Variants in VPS13D observed in about 807,000 individuals in gnomAD.
The protein encoded by VPS13D is intermembrane lipid transfer protein VPS13D.
In VPS13D, 187 loss-of-function variants were observed where a neutral mutation model predicts 461.9. That is an observed-to-expected ratio of 0.40 (90% confidence interval 0.36 to 0.46). The LOEUF (loss-of-function observed/expected upper bound fraction) is 0.46, where lower values mean the gene tolerates loss of function less well. VPS13D is among the 20% of genes least tolerant of loss of function. VPS13D has a pLI of 0.60. For synonymous variants in VPS13D, 1,951 were observed against 1,986.3 expected (o/e 0.98, Z 0.47); for missense variants, 4,711 against 5,364.9 (o/e 0.88, Z 3.81).
chr1:12,373,849 A>G lies in VPS13D; in HGVS notation c.10908A>G (p.Leu3636=). The change falls in exon 55 of 70, where the codon TTA becomes TTG. Residue 3636 remains leucine, a synonymous_variant. Transcript: ENST00000620676. The stretch of plus-strand genomic sequence containing the variant: ...CACCCAAGACACAAAGAGTCATTTT[A>G]AAAAAGAAGGTAAGAGAGCTTACAA... ...DVSPKTQRVI[L]KKKEPGKRSQ... 1 of 1,604,006 alleles carries G rather than the reference A, an allele frequency of 6.2e-7. No individual in the cohort carries two copies. Among genetic ancestry groups the G allele is most frequent in the Non-Finnish European group, 8.5e-7 (1 of 1,174,856 alleles).
At chr1:12,475,013 G>T (rs1645612003) in intron 67 of VPS13D, among the ~76,000 whole-genome samples, 1 of 152,074 alleles carries the variant, frequency 6.6e-6, no homozygotes, top group Admixed American at 6.5e-5. Context: ...AAAGGCAGTG[G>T]TGGAGCTGAC....
At chr1:12,464,785 C>A (rs115363404) in intron 67 of VPS13D, among the ~76,000 whole-genome samples, 3 of 152,166 alleles carry the variant, frequency 2.0e-5, no homozygotes, top group Non-Finnish European at 4.4e-5. Context: ...CCAATATCCC[C>A]CACTGCATTT....
At chr1:12,343,950 A>T (rs1643623150) in intron 42 of VPS13D, among the ~76,000 whole-genome samples, 1 of 152,198 alleles carries the variant, frequency 6.6e-6, no homozygotes, top group African/African-American at 2.4e-5. Context: ...TAGTTTCAGG[A>T]CTCAAAGCTA....
chr1:12,412,363 A>G (rs1644740399), intron 63 of VPS13D, among the ~76,000 whole-genome samples: 1 of 152,224 alleles, frequency 6.6e-6, no homozygotes, highest in Admixed American at 6.5e-5. Flanking sequence ...AACCCTGGAG[A>G]AAAAGTACAA....
In VPS13D at chr1:12,358,547, C is replaced by T. The variant is rs1023567307; in HGVS notation, c.10087C>T (p.Arg3363Ter). 4.3e-6 allele frequency: 7 copies of T among 1,613,962 alleles called. No individual in the cohort carries two copies. The highest frequency in any genetic ancestry group is 1.1e-5 in the South Asian group (1 of 91,080). The change falls in exon 50 of 70, where the codon CGA becomes TGA. Residue 3363 changes from arginine (R) to a stop codon, truncating the protein, a stop_gained. Transcript: ENST00000620676. LOFTEE classifies it high-confidence loss of function. ...CTCCCTGGATGGTGGTAGTGGTGTCCGAGCTTTGAAAGTCATCCAGCAAGG... is the reference window on the plus strand; with the variant it reads ...CTCCCTGGATGGTGGTAGTGGTGTCTGAGCTTTGAAAGTCATCCAGCAAGG... ...GFSLDGGSGV[R>*]ALKVIQQGNR...
chr1:12,307,856 G>A (rs373184842), intron 26 of VPS13D, among the ~76,000 whole-genome samples: 1 of 152,132 alleles, frequency 6.6e-6, no homozygotes, highest in Admixed American at 6.6e-5. Flanking sequence ...GTTATGGACT[G>A]TTTATTTTTT....
chr1:12,293,838 A>ACG, intron 24 of VPS13D, 134 bp downstream of exon 24: 1 of 894,006 alleles, frequency 1.1e-6, no homozygotes, highest in Non-Finnish European at 1.6e-6. Context: ...GATTAGCTAC[A>ACG]GACATCTTTG....
rs1643287017 is a variant in VPS13D at position 12,329,926 on chromosome 1, T to G, written c.8287+8T>G. The G allele has an allele frequency of 6.4e-7, 1 of 1,560,084 alleles. No homozygotes were observed. On this transcript the variant is annotated splice_region_variant and intron_variant, in intron 37 of 69. Transcript: ENST00000620676. ...ATAACCGTGCTCTTTCAGGTCAGTA[T>G]AAAGCATATGTTATCATGGGATTTA...
Position 12,348,814 on chromosome 1 carries a change from C to G in VPS13D, c.9070-9C>G. On this transcript the variant is annotated splice_polypyrimidine_tract_variant and intron_variant, in intron 44 of 69. Coordinates refer to ENST00000620676, the MANE Select transcript of VPS13D (RefSeq NM_015378.4). ...ACATAACTATTTTGTCTTTATCGCT[C>G]TTTCACAGTTCTCTTCACTCCCACC... 6.2e-7 allele frequency: 1 copy of G among 1,613,136 alleles called. No individual in the cohort carries two copies. Among genetic ancestry groups the G allele is most frequent in the Non-Finnish European group, 8.5e-7 (1 of 1,179,390 alleles).
chr1:12,352,965 CAAAAAAAAAAA>C (rs61588046), intron 46 of VPS13D, among the ~76,000 whole-genome samples: 1,425 of 17,494 alleles, frequency 0.081, 18 homozygotes, highest in Non-Finnish European at 0.12. Context: ...AACTCAGTCT[CAAAAAAAAAAA>C]AAAAAAAAAA....
intron 57 of VPS13D, among the ~76,000 whole-genome samples, chr1:12,381,016 A>G (rs898485257): frequency 4.6e-5 from 7 of 152,148 alleles, no homozygotes; most frequent in Non-Finnish European, 1.0e-4. Context: ...TGTAATTCCA[A>G]TGCTCTTGGA....
rs1316860707 is a variant in VPS13D, at chr1:12,473,083, G to A, written c.12662+12687G>A. Among the ~76,000 whole-genome samples, 1 of 152,160 alleles carries A rather than the reference G, an allele frequency of 6.6e-6. No individual in the cohort carries two copies. Among genetic ancestry groups the A allele is most frequent in the Non-Finnish European group, 1.5e-5 (1 of 68,036 alleles). On this transcript the variant is annotated intron_variant, in intron 67 of 69. Coordinates refer to ENST00000620676, the MANE Select transcript of VPS13D (RefSeq NM_015378.4). This position sits in a 1 kb window ranked among gnomAD's most constrained non-coding sequence, Gnocchi z 4.2. ...CACCCTACGGTAGTGACATGGCCCT[G>A]TCACCACCCCTCATTGAACCATAAA... is the stretch of plus-strand genomic sequence containing the variant.
chr1:12,254,878 A>G (rs1312357908), intron 7 of VPS13D, among the ~76,000 whole-genome samples: 1 of 151,680 alleles, frequency 6.6e-6, no homozygotes, highest in African/African-American at 2.4e-5. Context: ...GAAACGGGGG[A>G]AAATAACTCA....
chr1:12,256,442 G>C lies in VPS13D; in HGVS notation c.779G>C (p.Arg260Pro), dbSNP rs761503910. Residue 260 changes from arginine to proline, a missense_variant, in exon 8 of 70, where the codon CGG (arginine) becomes CCG (proline). Around this residue, in one of 3 missense-constraint regions of VPS13D, gnomAD observed 4,411 missense variants for 4,937.8 expected, o/e 0.89. Transcript: ENST00000620676. Reference protein sequence around the residue: ...RNCSKKPLRSRHSPRIDCDIQ... With the variant: ...RNCSKKPLRSPHSPRIDCDIQ... ...TGCTCCAAGAAGCCCCTGCGGTCTCGGCACAGTCCCCGTATTGATTGTGAT... is the reference window on the plus strand; with the variant it reads ...TGCTCCAAGAAGCCCCTGCGGTCTCCGCACAGTCCCCGTATTGATTGTGAT... 31 of 1,613,946 alleles carry C rather than the reference G, an allele frequency of 1.9e-5. No individual in the cohort carries two copies. The highest frequency in any genetic ancestry group is 2.5e-5 in the Non-Finnish European group (30 of 1,180,000).
At chr1:12,258,138 T>C in intron 10 of VPS13D, 35 bp downstream of exon 10, 1 of 1,608,792 alleles carries the variant, frequency 6.2e-7, no homozygotes, top group Non-Finnish European at 8.5e-7. Flanking sequence ...TCTTGTCTTA[T>C]TCAGAAGATA....
chr1:12,317,247 A>G (rs2101517288), intron 30 of VPS13D, among the ~76,000 whole-genome samples: 1 of 152,232 alleles, frequency 6.6e-6, no homozygotes, highest in South Asian at 2.1e-4. Flanking sequence ...ACATTTATCA[A>G]ATGACTGCTT....
At chr1:12,242,463 C>G (rs1640410868) in intron 2 of VPS13D, 50 bp from the exon 3 acceptor site, 1 of 1,508,254 alleles carries the variant, frequency 6.6e-7, no homozygotes. Flanking sequence ...CAGTAGGTGG[C>G]CTACTGTATT....
In VPS13D at chr1:12,382,144, C is replaced by T. The variant is rs147815472; in HGVS notation, c.11191-832C>T. On this transcript the variant is annotated intron_variant, in intron 57 of 69. Transcript: ENST00000620676. The stretch of plus-strand genomic sequence containing the variant: ...TTGACAAAGTGTCGCTCTTGTTGCC[C>T]GGGCTGGAGTACAATAGCACAATCT... Among the ~76,000 whole-genome samples the T allele has an allele frequency of 3.8e-4, 57 of 150,886 alleles. No individual in the cohort carries two copies. The East Asian group carries it at 7.6e-3, about 20-fold the overall frequency.
chr1:12,405,136 C>T (rs187218733), intron 63 of VPS13D, among the ~76,000 whole-genome samples: 244 of 152,334 alleles, frequency 1.6e-3, no homozygotes, highest in African/African-American at 5.5e-3. Context: ...GGGGTGGTGT[C>T]GTGTCTGCCC....
Sources: gnomAD v4.1 joint callset for allele counts (sites outside exome capture counted in the v4.1 genomes callset) on GRCh38, gnomAD v4.1.1 for gene constraint, gnomAD v4.1.1 regional missense constraint, Gnocchi (gnomAD v3.1) non-coding constraint, MANE v1.5 for transcripts, NCBI Gene and HGNC (gene_info 2026-07-23, HGNC 2026-07-21) for gene names.